Variants in CDH23 observed in about 807,000 individuals in gnomAD.
The protein encoded by CDH23 is cadherin-23.
CDH23 carries 189 observed loss-of-function variants against 317.1 expected under a neutral mutation model. That is an observed-to-expected ratio of 0.60 (90% CI 0.53 to 0.67). The LOEUF (loss-of-function observed/expected upper bound fraction) is 0.67. Ranked by LOEUF, CDH23 falls within the 30% of genes least tolerant of loss-of-function variation. The pLI is 0.00. For missense variants in CDH23, 4,401 were observed against 4,592.4 expected (o/e 0.96, Z 1.20); for synonymous variants, 1,839 against 1,876.8 (o/e 0.98, Z 0.52).
At chr10:71,481,562 C>A (rs1852065632) in intron 3 of CDH23, among the ~76,000 whole-genome samples, 1 of 152,194 alleles carries the variant, frequency 6.6e-6, no homozygotes, top group Non-Finnish European at 1.5e-5. Flanking sequence ...CTTCCACATC[C>A]CTCCCCTTTT....
At chr10:71,452,987 A>G (rs534986304) in intron 3 of CDH23, among the ~76,000 whole-genome samples, 3 of 152,144 alleles carry the variant, frequency 2.0e-5, no homozygotes, top group Admixed American at 6.5e-5. Flanking sequence ...GTGAGTGGGT[A>G]GATGAGTGGA....
chr10:71,784,819 C>T (rs1841053925), intron 42 of CDH23, 72 bp from the exon 43 acceptor site: 2 of 1,289,394 alleles, frequency 1.6e-6, no homozygotes, highest in African/African-American at 1.5e-5. Flanking sequence ...CTTGGCGAAC[C>T]TCCTCCTCGG....
At chr10:71,615,649 A>G (rs1861142009) in intron 10 of CDH23, 33 bp downstream of exon 10, 1 of 1,466,028 alleles carries the variant, frequency 6.8e-7, no homozygotes, top group Non-Finnish European at 9.5e-7. Context: ...CACCCCAGGT[A>G]GAGGAGATGC....
chr10:71,755,478 G>T (rs768177228), intron 38 of CDH23: 30 of 1,604,602 alleles, frequency 1.9e-5, no homozygotes, highest in Admixed American at 3.4e-5. Flanking sequence ...TGAAAGGGCA[G>T]AGAGGTAGCC....
At chr10:71,763,871 G>T (rs965510825) in intron 38 of CDH23, among the ~76,000 whole-genome samples, 1 of 152,174 alleles carries the variant, frequency 6.6e-6, no homozygotes, top group Non-Finnish European at 1.5e-5. Flanking sequence ...CTGCTAAGGT[G>T]TGAATGACTG....
chr10:71,483,249 C>T (rs543433411), intron 3 of CDH23, among the ~76,000 whole-genome samples: 3 of 152,306 alleles, frequency 2.0e-5, no homozygotes, highest in South Asian at 2.1e-4. Context: ...CCAGGGGTGA[C>T]GTTCAACATG....
intron 15 of CDH23, among the ~76,000 whole-genome samples, chr10:71,676,453 C>A (rs953979626): frequency 2.0e-5 from 3 of 151,652 alleles, no homozygotes; most frequent in African/African-American, 7.3e-5. Context: ...ATGGTGAAAC[C>A]CCATCTCTAC....
chr10:71,574,333 G>A (rs542083790), intron 8 of CDH23, among the ~76,000 whole-genome samples: 11 of 152,192 alleles, frequency 7.2e-5, no homozygotes, highest in Non-Finnish European at 1.6e-4. Flanking sequence ...TCGAGCAGCA[G>A]CATGTCGGCC....
chr10:71,506,703 C>T (rs904544321), intron 3 of CDH23, among the ~76,000 whole-genome samples: 4 of 152,080 alleles, frequency 2.6e-5, no homozygotes, highest in African/African-American at 4.8e-5. Context: ...GGCAGAGCAG[C>T]GCTGGGCGGA....
intron 6 of CDH23, among the ~76,000 whole-genome samples, chr10:71,552,880 A>G (rs559802939): frequency 6.6e-6 from 1 of 152,234 alleles, no homozygotes; most frequent in East Asian, 1.9e-4. Context: ...CCTTGCATCC[A>G]TGTTTGGACA....
Position 71,734,653 on chromosome 10 carries a change from C to A in CDH23, c.4207-3C>A. 1 of 1,470,034 alleles carries A rather than the reference C, an allele frequency of 6.8e-7. No homozygotes were observed. Among genetic ancestry groups the A allele is most frequent in the Non-Finnish European group, 9.2e-7 (1 of 1,086,662 alleles). The allele number at this position is 1,470,034 out of a possible 1,614,324, so 91.1% of individuals were successfully genotyped here. A position where few individuals can be genotyped will look rare whatever the true frequency, so the allele number is the denominator to read the frequency against. ...CCCCTCCTGCTGCTGCCTCTGCCTA[C>A]AGAAGGTGAGTAGCCTGTGGCTGGA... On this transcript the variant is annotated splice_region_variant and splice_polypyrimidine_tract_variant and intron_variant, in intron 33 of 69. Coordinates refer to ENST00000224721, the MANE Select transcript of CDH23 (RefSeq NM_022124.6).
chr10:71,454,957 A>T (rs543942563), intron 3 of CDH23, among the ~76,000 whole-genome samples: 3 of 151,168 alleles, frequency 2.0e-5, no homozygotes, highest in Non-Finnish European at 4.4e-5. Context: ...CTCCCACCTC[A>T]GCCTCTCAAG....
At chr10:71,702,456 T>G (rs1222881166) in intron 23 of CDH23, 93 bp from the exon 24 acceptor site, 2 of 1,510,040 alleles carry the variant, frequency 1.3e-6, no homozygotes, top group Admixed American at 3.4e-5. Context: ...GCTCTGAATC[T>G]GCCACCCTCT....
Position 71,403,408 on chromosome 10 carries a change from TCTTC to T in CDH23, c.-6+6134_-6+6137del, listed in dbSNP as rs1176829681. 2.9e-3 allele frequency among the ~76,000 whole-genome samples: 167 copies of T among 57,064 alleles called. 10 individuals carry two copies. Among genetic ancestry groups the T allele is most frequent in the African/African-American group, 3.5e-3 (28 of 7,930 alleles). The allele number at this position is 57,064 out of a possible 152,430, so 37.4% of individuals were successfully genotyped here. ...CTTTCTTTCTTTCTTTCTTTCTTTC[TCTTC>T]CTTCCTTCCTTCCTTCCTTCCTTCC... is the stretch of plus-strand genomic sequence containing the variant. On this transcript the variant is annotated intron_variant, in intron 1 of 69. Coordinates refer to ENST00000224721, the MANE Select transcript of CDH23 (RefSeq NM_022124.6).
In CDH23 at chr10:71,777,691, C is replaced by G; in HGVS notation, c.4857C>G (p.His1619Gln). The G allele has an allele frequency of 1.2e-6, 2 of 1,611,472 alleles. No homozygotes were observed. Among genetic ancestry groups the G allele is most frequent in the South Asian group, 1.1e-5 (1 of 90,478 alleles). The stretch of plus-strand genomic sequence containing the variant: ...ACTCTTTTCCACAGGCCACCACGCA[C>G]GTGTACGTGACCATTGTGGATGAGA... ...EGTPTLSATTHVYVTIVDEND... is the reference protein window; with the variant it reads ...EGTPTLSATTQVYVTIVDEND... Residue 1619 changes from histidine to glutamine, a missense_variant, in exon 39 of 70, where the codon CAC becomes CAG. Around this residue, in one of 3 missense-constraint regions of CDH23, gnomAD observed 3,068 missense variants for 3,203.3 expected, o/e 0.96. Coordinates refer to ENST00000224721, the MANE Select transcript of CDH23 (RefSeq NM_022124.6).
At chr10:71,646,228 C>T (rs1862850181) in intron 13 of CDH23, among the ~76,000 whole-genome samples, 1 of 152,222 alleles carries the variant, frequency 6.6e-6, no homozygotes, top group Admixed American at 6.5e-5. Context: ...GCCTCTGCAA[C>T]CCATCTCCTG....
intron 11 of CDH23, among the ~76,000 whole-genome samples, chr10:71,637,327 G>T (rs1427295470): frequency 6.6e-6 from 1 of 151,982 alleles, no homozygotes; most frequent in African/African-American, 2.4e-5. Flanking sequence ...TTCTGGCCAT[G>T]GTCTAGAAAT....
chr10:71,661,524 CA>C (rs1863650066), intron 14 of CDH23, among the ~76,000 whole-genome samples: 1 of 152,040 alleles, frequency 6.6e-6, no homozygotes, highest in South Asian at 2.1e-4. Context: ...ACAGTGAGGC[CA>C]GAGTGTTTTG....
intron 1 of CDH23, among the ~76,000 whole-genome samples, chr10:71,436,808 T>C (rs762708938): frequency 6.6e-6 from 1 of 152,226 alleles, no homozygotes; most frequent in Non-Finnish European, 1.5e-5. Flanking sequence ...TTAATTCTCA[T>C]AACATCTGGT....
Sources: allele counts gnomAD v4.1 joint callset (sites outside exome capture counted in the v4.1 genomes callset), GRCh38; gene constraint gnomAD v4.1.1; regional missense constraint gnomAD v4.1.1; transcripts MANE v1.5; gene names NCBI Gene and HGNC (gene_info 2026-07-23, HGNC 2026-07-21).